The following TRPA1 variants were observed in gnomAD, a reference collection of about 807,000 sequenced individuals.
The protein encoded by TRPA1 is transient receptor potential cation channel subfamily A member 1.
Under a neutral mutation model 131.3 loss-of-function variants are expected in TRPA1, and 129 were observed. The ratio of observed to expected loss-of-function variants is 0.98; its 90% CI spans 0.85 to 1.14. TRPA1 has a LOEUF of 1.14. TRPA1 is among the 50% of genes most tolerant of loss of function. TRPA1 has a pLI of 0.00. For synonymous variants in TRPA1, 441 were observed against 451.7 expected (o/e 0.98, Z 0.30); for missense variants, 1,304 against 1,354.2 (o/e 0.96, Z 0.58).
intron 5 of TRPA1, 110 bp from the exon 6 acceptor site, chr8:72,063,054 A>G: frequency 9.2e-7 from 1 of 1,082,468 alleles, no homozygotes; most frequent in Non-Finnish European, 1.3e-6. Flanking sequence ...GGGCACCGAG[A>G]CACATAAAAG....
chr8:72,026,065 A>G lies in TRPA1; in HGVS notation c.2946T>C (p.Leu982=). 6.2e-7 allele frequency: 1 copy of G among 1,613,610 alleles called. No homozygotes were observed. The highest frequency in any genetic ancestry group is 8.5e-7 in the Non-Finnish European group (1 of 1,179,612). The change falls in exon 25 of 27, where the codon CTT becomes CTC. Residue 982 remains leucine, a synonymous_variant. Coordinates refer to ENST00000262209, the MANE Select transcript of TRPA1 (RefSeq NM_007332.3). The stretch of plus-strand genomic sequence containing the variant: ...GCAGCTTCTTCTCTAAGCTGGTATG[A>G]AGTTCCACCTAAAGTGCATTTTGGA... ...SLKRIAMQVE[L]HTSLEKKLPL...
intron 6 of TRPA1, 113 bp downstream of exon 6, chr8:72,062,686 A>G: frequency 9.1e-7 from 1 of 1,093,420 alleles, no homozygotes; most frequent in Non-Finnish European, 1.4e-6. Context: ...AGAAGGAAAT[A>G]TGTATTTCTT....
At chr8:72,087,047 T>C in the TRPA1 span, among the ~76,000 whole-genome samples, 1 of 152,154 alleles carries the variant, frequency 6.6e-6, no homozygotes, top group Admixed American at 6.5e-5. Context: ...TAGGAAGAAA[T>C]TTTACTACTT....
chr8:72,052,740 C>T lies in TRPA1; in HGVS notation c.1670G>A (p.Arg557Lys). 3 of 1,613,378 alleles carry T rather than the reference C, an allele frequency of 1.9e-6. No individual in the cohort carries two copies. The highest frequency in any genetic ancestry group is 1.7e-6 in the Non-Finnish European group (2 of 1,179,854). ...DGNTALHFAA[R>K]EGHAKAVALL... is the part of the protein sequence containing the mutation. The stretch of plus-strand genomic sequence containing the variant: ...CGCAACGGCTTTGGCGTGGCCTTCC[C>T]TTGCAGCAAAGTGAAGTGCAGTGTT... The change falls in exon 14 of 27, where the codon AGG becomes AAG. Residue 557 changes from arginine to lysine, a missense_variant. By Grantham distance (26) the Arg-to-Lys change is conservative (BLOSUM62 2). Transcript: ENST00000262209.
chr8:72,083,506 G>A, the TRPA1 span, among the ~76,000 whole-genome samples: 2 of 151,928 alleles, frequency 1.3e-5, no homozygotes, highest in Non-Finnish European at 2.9e-5. Context: ...AGGCCGAGGC[G>A]GGTGGATCAC....
chr8:72,039,737 G>A lies in TRPA1; in HGVS notation c.2122C>T (p.Leu708Phe), dbSNP rs1453143196. The A allele has an allele frequency of 2.5e-6, 4 of 1,603,762 alleles. No individual in the cohort carries two copies. In the South Asian group the frequency reaches 3.3e-5, roughly 13 times the overall value. The change falls in exon 18 of 27, where the codon CTC becomes TTC. Residue 708 changes from leucine to phenylalanine, a missense_variant. Leu to Phe is a conservative substitution (Grantham distance 22). Coordinates refer to ENST00000262209, the MANE Select transcript of TRPA1 (RefSeq NM_007332.3). ...CTACTCAATACCCACCATTTCATGA[G>A]TAAATATTCTTTACACACAGGATGA... ...LNHPVCKEYLLMKWLAYGFRA... is the reference protein window; with the variant it reads ...LNHPVCKEYLFMKWLAYGFRA...
rs200693475 is a variant in TRPA1 at position 72,075,445 on chromosome 8, C to T, written c.-36G>A. ...CCGGACGCCACCTGGTGCAGCTGCT[C>T]ACCACGCGCGCGGGCACCTGGGGCG... is the stretch of plus-strand genomic sequence containing the variant. On this transcript the variant is annotated 5_prime_UTR_variant, in exon 1 of 27. Coordinates refer to ENST00000262209, the MANE Select transcript of TRPA1 (RefSeq NM_007332.3). 2.3e-5 allele frequency: 36 copies of T among 1,546,502 alleles called. No individual in the cohort carries two copies. The African/African-American group carries it at 3.7e-4, about 16-fold the overall frequency.
chr8:72,029,899 A>C lies in TRPA1; in HGVS notation c.2937+2T>G. On this transcript the variant is annotated splice_donor_variant, in intron 24 of 26. Transcript: ENST00000262209. LOFTEE classifies it high-confidence loss of function. The stretch of plus-strand genomic sequence containing the variant: ...TAATAAGTGGGGAGGCACTGCACTT[A>C]CCTGCATAGCTATCCTCTTCAATGA... 1 of 1,613,864 alleles carries C rather than the reference A, an allele frequency of 6.2e-7. No individual in the cohort carries two copies. The highest frequency in any genetic ancestry group is 8.5e-7 in the Non-Finnish European group (1 of 1,179,772).
chr8:72,029,003 T>C (rs1274385091), intron 24 of TRPA1, among the ~76,000 whole-genome samples: 2 of 152,184 alleles, frequency 1.3e-5, no homozygotes, highest in African/African-American at 4.8e-5. Flanking sequence ...AAAGTGCCCA[T>C]GTGAATTTGA....
At chr8:72,083,131 G>C in the TRPA1 span, among the ~76,000 whole-genome samples, 1 of 151,678 alleles carries the variant, frequency 6.6e-6, no homozygotes, top group Admixed American at 6.6e-5. Context: ...TGCCCATTTG[G>C]TTCTTTTTGT....
the TRPA1 span, among the ~76,000 whole-genome samples, chr8:72,087,310 T>C: frequency 4.6e-5 from 7 of 152,228 alleles, no homozygotes; most frequent in Admixed American, 6.5e-5. Flanking sequence ...CAAATTGAAT[T>C]TGAGTAAACT....
chr8:72,062,944 C>T lies in TRPA1; in HGVS notation c.662G>A (p.Gly221Asp), dbSNP rs781309257. The change falls in exon 6 of 27, where the codon GGT becomes GAT. Residue 221 changes from glycine to aspartate, a missense_variant and splice_region_variant. Coordinates refer to ENST00000262209, the MANE Select transcript of TRPA1 (RefSeq NM_007332.3). ...KECMEIILRF[G>D]EEHGYSRQLH... The stretch of plus-strand genomic sequence containing the variant: ...CTGTCTACTGTACCCATGCTCTTCA[C>T]CTTGAGAAGAAAATAACATTCAACA... The T allele has an allele frequency of 2.5e-6, 4 of 1,613,208 alleles. No individual in the cohort carries two copies. In the South Asian group the frequency reaches 4.4e-5, roughly 18 times the overall value.
At position 72,075,467 on chromosome 8, in the gene TRPA1, G is replaced by T; in HGVS notation, c.-58C>A. ...GCTCACCACGCGCGCGGGCACCTGG[G>T]GCGAGAGAGCGCTGTCAGCCTGCCA... On this transcript the variant is annotated 5_prime_UTR_variant, in exon 1 of 27. Coordinates refer to ENST00000262209, the MANE Select transcript of TRPA1 (RefSeq NM_007332.3). 7.1e-7 allele frequency: 1 copy of T among 1,406,530 alleles called. No individual in the cohort carries two copies. The highest frequency in any genetic ancestry group is 1.0e-6 in the Non-Finnish European group (1 of 1,003,344). The allele number at this position is 1,406,530 out of a possible 1,614,324, so 87.1% of individuals were successfully genotyped here.
chr8:72,038,973 A>C lies in TRPA1; in HGVS notation c.2187T>G (p.Gly729=), dbSNP rs1194310930. The C allele has an allele frequency of 5.0e-6, 8 of 1,613,136 alleles. 1 individual carries two copies. Among genetic ancestry groups the C allele is most frequent in the South Asian group, 4.4e-5 (4 of 91,054 alleles). Residue 729 remains glycine (G), a synonymous_variant, in exon 19 of 27, where the codon GGT becomes GGG. Transcript: ENST00000262209. The stretch of plus-strand genomic sequence containing the variant: ...CAACGAGAATGGTCATAGGTATGAG[A>C]CCAAGACAGTAAGATCCTAAATTCA... ...HMMNLGSYCL[G]LIPMTILVVN...
intron 20 of TRPA1, among the ~76,000 whole-genome samples, chr8:72,037,412 G>T (rs1812092979): frequency 6.6e-6 from 1 of 151,956 alleles, no homozygotes; most frequent in Non-Finnish European, 1.5e-5. Flanking sequence ...ATCAACCAAA[G>T]GTAGGACCTG....
In TRPA1 at chr8:72,052,994, T is replaced by TGTGTGTGTGTGTGTGTGTGTGATAGA. The variant is rs1491537785; in HGVS notation, c.1645-230_1645-229insTCTATCACACACACACACACACACAC. ...GTGTGTGTGTGTGTGTGTGTGTGTG[T>TGTGTGTGTGTGTGTGTGTGTGATAGA]GAGAGATAGAGAAAGAGAGAGAGAG... On this transcript the variant is annotated intron_variant, in intron 13 of 26. Coordinates refer to ENST00000262209, the MANE Select transcript of TRPA1 (RefSeq NM_007332.3). The TGTGTGTGTGTGTGTGTGTGTGATAGA allele has an allele frequency of 1.3e-4, 44 of 331,384 alleles. 1 individual carries two copies. Among genetic ancestry groups the TGTGTGTGTGTGTGTGTGTGTGATAGA allele is most frequent in the Non-Finnish European group, 1.7e-4 (31 of 180,784 alleles). The allele number at this position is 331,384 out of a possible 1,614,324, so 20.5% of individuals were successfully genotyped here. A position where few individuals can be genotyped will look rare whatever the true frequency, so the allele number is the denominator to read the frequency against.
rs550964595 is a variant in TRPA1, at chr8:72,068,845, A to C, written c.444+178T>G. Among the ~76,000 whole-genome samples the C allele has an allele frequency of 3.3e-5, 5 of 151,582 alleles. No homozygotes were observed. In the East Asian group the frequency reaches 9.6e-4, roughly 29 times the overall value. On this transcript the variant is annotated intron_variant, in intron 3 of 26. Coordinates refer to ENST00000262209, the MANE Select transcript of TRPA1 (RefSeq NM_007332.3). ...TAAATAAGAACTATTCAATAAAGTC[A>C]AAACTAATCATCATCATCATCATTA...
chr8:72,080,240 A>G (rs1467049092), upstream of TRPA1, among the ~76,000 whole-genome samples: 3 of 151,868 alleles, frequency 2.0e-5, no homozygotes, highest in East Asian at 1.9e-4. Flanking sequence ...GGGGAAAGCA[A>G]TATCTTTCAA....
chr8:72,068,801 C>T (rs1053594056), intron 3 of TRPA1, among the ~76,000 whole-genome samples: 2 of 152,184 alleles, frequency 1.3e-5, no homozygotes, highest in Admixed American at 6.5e-5. Flanking sequence ...ACACACAAAG[C>T]TCTCATGAAA....
Sources: gnomAD v4.1 joint callset for allele counts (sites outside exome capture counted in the v4.1 genomes callset) on GRCh38, gnomAD v4.1.1 for gene constraint, MANE v1.5 for transcripts, NCBI Gene and HGNC (gene_info 2026-07-23, HGNC 2026-07-21) for gene names.